HARS2: variants seen among roughly 807,000 people sequenced by gnomAD.
HARS2 encodes the protein histidyl-tRNA synthetase 2, mitochondrial.
A neutral mutation model predicts 62.4 loss-of-function variants in HARS2; 40 were observed. That is an observed-to-expected ratio of 0.64 (90% CI 0.50 to 0.83). The LOEUF is 0.83. HARS2 is among the 40% of genes least tolerant of loss of function. The probability of loss-of-function intolerance (pLI) is 0.00; values close to 1 mark genes in which losing one functional copy is unlikely to be tolerated. For missense variants in HARS2, 569 were observed against 626.4 expected (o/e 0.91, Z 0.98); for synonymous variants, 228 against 227.0 (o/e 1.00, Z -0.04).
At position 140,695,580 on chromosome 5, in the gene HARS2, C is replaced by T. The variant is rs749279953; in HGVS notation, c.472C>T (p.Arg158Trp). Residue 158 changes from arginine to tryptophan, a missense_variant, in exon 5 of 13, where the codon CGG becomes TGG. Transcript: ENST00000230771. ...MKRYHVGKVWRRESPTIVQGR... is the reference protein window; with the variant it reads ...MKRYHVGKVWWRESPTIVQGR... ...ACGTTATCATGTTGGAAAGGTGTGG[C>T]GGCGAGAGAGCCCAACCATAGTCCA... The T allele has an allele frequency of 1.7e-5, 27 of 1,614,006 alleles. No homozygotes were observed. Among genetic ancestry groups the T allele is most frequent in the Non-Finnish European group, 1.8e-5 (21 of 1,180,030 alleles).
rs1002387717 is a variant in HARS2, at chr5:140,698,926, C to A, written c.*374C>A. The A allele has an allele frequency of 4.8e-5, 15 of 312,622 alleles. No individual in the cohort carries two copies. Among genetic ancestry groups the A allele is most frequent in the Admixed American group, 1.4e-4 (3 of 22,140 alleles). 19.4% of individuals were successfully genotyped at this position (312,622 alleles called of 1,614,324 possible). Reference sequence around the variant, plus strand: ...GATCAGAAACCAGATACTTAGCCTTCTACTGTAGCTACGGAACCAGATTCT... The same window carrying A: ...GATCAGAAACCAGATACTTAGCCTTATACTGTAGCTACGGAACCAGATTCT... On this transcript the variant is annotated 3_prime_UTR_variant, in exon 13 of 13. Transcript: ENST00000230771.
In HARS2 at chr5:140,695,039, C is replaced by A. The variant is rs112349737; in HGVS notation, c.400-469C>A. On this transcript the variant is annotated intron_variant, in intron 4 of 12. Coordinates refer to ENST00000230771, the MANE Select transcript of HARS2 (RefSeq NM_012208.4). ...CAAGTGATCCTCCCATCTTGGCCTC[C>A]TAAAGTGCTGGGGTTACGGGTGTGA... 8.9e-3 allele frequency among the ~76,000 whole-genome samples: 1,358 copies of A among 152,242 alleles called. 18 individuals are homozygous for A. Among genetic ancestry groups the A allele is most frequent in the African/African-American group, 0.031 (1,300 of 41,538 alleles).
At chr5:140,691,890 A>C (rs1562042041) in intron 1 of HARS2, 134 bp downstream of exon 1, 2 of 681,462 alleles carry the variant, frequency 2.9e-6, no homozygotes, top group Non-Finnish European at 5.3e-6. Context: ...ACACTGAACT[A>C]AGCGATTTGG....
chr5:140,695,600 A>G lies in HARS2; in HGVS notation c.492A>G (p.Ile164Met). 2 of 1,614,242 alleles carry G rather than the reference A, an allele frequency of 1.2e-6. No homozygotes were observed. The highest frequency in any genetic ancestry group is 1.1e-5 in the South Asian group (1 of 91,086). The change falls in exon 5 of 13, where the codon ATA becomes ATG. Residue 164 changes from isoleucine (I) to methionine (M), a missense_variant. Physicochemically the swap from Ile to Met is conservative, Grantham distance 10 (BLOSUM62 1). Transcript: ENST00000230771. ...GKVWRRESPT[I>M]VQGRYREFCQ... Reference sequence around the variant, plus strand: ...TGTGGCGGCGAGAGAGCCCAACCATAGTCCAAGGCCGTTATAGGGAGTTCT... The same window carrying G: ...TGTGGCGGCGAGAGAGCCCAACCATGGTCCAAGGCCGTTATAGGGAGTTCT...
Position 140,691,492 on chromosome 5 carries a change from A to C in HARS2, c.-157A>C. ...TACTAAGGGAACTTGGGAGGATCCC[A>C]CCTCAGCCTTCGTGACTAGTGAGGT... On this transcript the variant is annotated 5_prime_UTR_variant, in exon 1 of 13. Coordinates refer to ENST00000230771, the MANE Select transcript of HARS2 (RefSeq NM_012208.4). 4.1e-6 allele frequency: 3 copies of C among 724,962 alleles called. No homozygotes were observed. Among genetic ancestry groups the C allele is most frequent in the Non-Finnish European group, 7.1e-6 (3 of 419,712 alleles). The allele number at this position is 724,962 out of a possible 1,614,324, so 44.9% of individuals were successfully genotyped here.
rs1200295110 is a variant in HARS2 at position 140,693,682 on chromosome 5, A to G, written c.183+17A>G. On this transcript the variant is annotated intron_variant, in intron 2 of 12. Transcript: ENST00000230771. ...ACCCCAAAGGTAATACTTTTTGCCT[A>G]CCCTATCCCATTAGAGTGCCTTGGA... 7 of 1,601,956 alleles carry G rather than the reference A, an allele frequency of 4.4e-6. No homozygotes were observed. The highest frequency in any genetic ancestry group is 6.0e-6 in the Non-Finnish European group (7 of 1,169,040).
intron 8 of HARS2, 36 bp from the exon 9 acceptor site, chr5:140,696,907 A>T (rs1317561986): frequency 6.3e-7 from 1 of 1,599,800 alleles, no homozygotes; most frequent in South Asian, 1.1e-5. Flanking sequence ...AATGAAACAC[A>T]TGTGAGTGAA....
intron 1 of HARS2, 94 bp downstream of exon 1, chr5:140,691,850 C>T (rs770332122): frequency 1.8e-4 from 161 of 881,128 alleles, no homozygotes; most frequent in Non-Finnish European, 2.6e-4. Flanking sequence ...GTGTTACAAT[C>T]GGTTTTTATC....
chr5:140,692,999 C>G (rs111863295), intron 1 of HARS2, among the ~76,000 whole-genome samples: 1 of 151,942 alleles, frequency 6.6e-6, no homozygotes, highest in Non-Finnish European at 1.5e-5. Flanking sequence ...GTGGGTTGTT[C>G]AGTGCCTTCA....
chr5:140,695,864 A>C lies in HARS2; in HGVS notation c.633+19A>C, dbSNP rs1488969170. On this transcript the variant is annotated intron_variant, in intron 6 of 12. Transcript: ENST00000230771. ...CATTAAGGTGAGGCCAGGGCTGAGA[A>C]CTGTGGGAGAAGTCTGGATTTGGCC... is the stretch of plus-strand genomic sequence containing the variant. 1.3e-6 allele frequency: 2 copies of C among 1,547,788 alleles called. No individual in the cohort carries two copies. Among genetic ancestry groups the C allele is most frequent in the South Asian group, 2.2e-5 (2 of 89,748 alleles).
chr5:140,694,380 A>G, intron 4 of HARS2, 100 bp downstream of exon 4: 1 of 830,066 alleles, frequency 1.2e-6, no homozygotes, highest in African/African-American at 1.7e-5. Context: ...TTAGAGGTCC[A>G]TTGCCTATAC....
Position 140,698,013 on chromosome 5 carries a change from A to G in HARS2, c.1396A>G (p.Ile466Val). The G allele has an allele frequency of 6.2e-7, 1 of 1,614,188 alleles. No homozygotes were observed. Among genetic ancestry groups the G allele is most frequent in the East Asian group, 2.2e-5 (1 of 44,884 alleles). The change falls in exon 12 of 13, where the codon ATT (isoleucine) becomes GTT (valine). Residue 466 changes from isoleucine to valine, a missense_variant. Physicochemically the swap from Ile to Val is conservative, Grantham distance 29. Transcript: ENST00000230771. ...GAGCACAGGCATTCCACTGGTGGTCATTATTGGTGAGCAAGAACTGAAAGA... is the reference window on the plus strand; with the variant it reads ...GAGCACAGGCATTCCACTGGTGGTCGTTATTGGTGAGCAAGAACTGAAAGA... ...CESTGIPLVV[I>V]IGEQELKEGV...
chr5:140,695,960 A>T, intron 6 of HARS2, 115 bp downstream of exon 6: 1 of 990,658 alleles, frequency 1.0e-6, no homozygotes, highest in Non-Finnish European at 1.6e-6. Flanking sequence ...GGACTTTCCT[A>T]GTAAAGCTGT....
chr5:140,696,023 T>A (rs186169932), intron 6 of HARS2, 80 bp from the exon 7 acceptor site: 2 of 1,089,274 alleles, frequency 1.8e-6, no homozygotes, highest in Non-Finnish European at 2.9e-6. Context: ...CCTTTTTGTG[T>A]GTCAGGAAAG....
Position 140,697,373 on chromosome 5 carries a change from G to A in HARS2, c.1164G>A (p.Glu388=). 1 of 1,614,040 alleles carries A rather than the reference G, an allele frequency of 6.2e-7. No homozygotes were observed. The highest frequency in any genetic ancestry group is 8.5e-7 in the Non-Finnish European group (1 of 1,180,034). ...VPCVGLSIGV[E]RIFYIVEQRM... ...GTGTGGGACTCAGCATTGGGGTTGA[G>A]CGAATCTTCTACATTGTGGAGCAGA... Residue 388 remains glutamate, a synonymous_variant, in exon 10 of 13, where the codon GAG becomes GAA. Transcript: ENST00000230771.
rs1759668804 is a variant in HARS2 at position 140,694,390 on chromosome 5, C to T, written c.399+110C>T. 1.0e-4 allele frequency: 79 copies of T among 785,892 alleles called. No homozygotes were observed. In the South Asian group the frequency reaches 1.1e-3, roughly 11 times the overall value. 48.7% of individuals were successfully genotyped at this position (785,892 alleles called of 1,614,324 possible). On this transcript the variant is annotated intron_variant, in intron 4 of 12. Coordinates refer to ENST00000230771, the MANE Select transcript of HARS2 (RefSeq NM_012208.4). The stretch of plus-strand genomic sequence containing the variant: ...GGATCTTAGAGGTCCATTGCCTATA[C>T]TTCTAGTTTCTCCCAGAAGGCAGTT...
rs1759859833 is a variant in HARS2, at chr5:140,698,672, T to G, written c.*120T>G. 1.2e-6 allele frequency: 1 copy of G among 841,944 alleles called. No homozygotes were observed. The highest frequency in any genetic ancestry group is 1.7e-5 in the African/African-American group (1 of 60,322). The allele number at this position is 841,944 out of a possible 1,614,324, so 52.2% of individuals were successfully genotyped here. ...GCCAGGAAGGGTGACAAGTACCTTC[T>G]GCCTCCTCCATTCTTCCTGGGTGCA... On this transcript the variant is annotated 3_prime_UTR_variant, in exon 13 of 13. Coordinates refer to ENST00000230771, the MANE Select transcript of HARS2 (RefSeq NM_012208.4).
rs73273313 is a variant in HARS2, at chr5:140,695,220, C to T, written c.400-288C>T. ...TGACTATTTTGAGATGGTTCGGAAT[C>T]GATCTGAATGGGCAGAAAGACCTGA... On this transcript the variant is annotated intron_variant, in intron 4 of 12. Transcript: ENST00000230771. Among the ~76,000 whole-genome samples, 3,222 of 152,234 alleles carry T rather than the reference C, an allele frequency of 0.021. 114 individuals are homozygous for T. The highest frequency in any genetic ancestry group is 0.074 in the African/African-American group (3,054 of 41,520).
rs1759767282 is a variant in HARS2, at chr5:140,696,935, C to G, written c.827-8C>G. On this transcript the variant is annotated splice_region_variant and splice_polypyrimidine_tract_variant and intron_variant, in intron 8 of 12. Transcript: ENST00000230771. ...TGAGTGAACAGCAGAGACTTTATTT[C>G]TCTCCAGGTGGGGTATCCCTAGTAG... 6.2e-7 allele frequency: 1 copy of G among 1,603,156 alleles called. No homozygotes were observed. The highest frequency in any genetic ancestry group is 1.4e-5 in the African/African-American group (1 of 73,560).
Sources: allele counts gnomAD v4.1 joint callset (sites outside exome capture counted in the v4.1 genomes callset), GRCh38; gene constraint gnomAD v4.1.1; transcripts MANE v1.5; gene names NCBI Gene and HGNC (gene_info 2026-07-23, HGNC 2026-07-21).